The following METAP1D variants were observed in gnomAD, a reference collection of about 807,000 sequenced individuals.
METAP1D encodes methionyl aminopeptidase type 1D, mitochondrial, also known as methionine aminopeptidase 1D, mitochondrial.
A neutral mutation model predicts 40.5 loss-of-function variants in METAP1D; 31 were observed. The ratio of observed to expected loss-of-function variants is 0.77; its 90% CI spans 0.58 to 1.03. The LOEUF (loss-of-function observed/expected upper bound fraction) is 1.03, where lower values mean the gene tolerates loss of function less well. Among genes scored for constraint, METAP1D ranks in the 50% least tolerant of loss-of-function variants. The pLI, the probability that METAP1D is intolerant of heterozygous loss-of-function variation, is 0.00. For synonymous variants in METAP1D, 151 were observed against 146.4 expected (o/e 1.03, Z -0.22); for missense variants, 411 against 420.7 (o/e 0.98, Z 0.20).
At chr2:172,052,415 T>C (rs1689905321) in intron 1 of METAP1D, among the ~76,000 whole-genome samples, 1 of 152,190 alleles carries the variant, frequency 6.6e-6, no homozygotes, top group Non-Finnish European at 1.5e-5. Flanking sequence ...ACCAGCTTGT[T>C]TCCTGTAAGT....
At chr2:172,035,321 C>T (rs1308925515) in intron 1 of METAP1D, among the ~76,000 whole-genome samples, 2 of 152,178 alleles carry the variant, frequency 1.3e-5, no homozygotes, top group South Asian at 2.1e-4. Context: ...CCGGCCACCA[C>T]GCCCGGCTAA....
chr2:172,037,221 C>T (rs954556450), intron 1 of METAP1D, among the ~76,000 whole-genome samples: 3 of 151,482 alleles, frequency 2.0e-5, no homozygotes, highest in Non-Finnish European at 2.9e-5. Context: ...AAAATCGTGC[C>T]GTTGCACTCC....
intron 1 of METAP1D, among the ~76,000 whole-genome samples, chr2:172,010,333 G>A (rs181972610): frequency 6.6e-5 from 10 of 151,114 alleles, no homozygotes; most frequent in Non-Finnish European, 1.2e-4. Flanking sequence ...GTAGAGATGG[G>A]GTTTCACCAT....
At chr2:172,032,626 G>T (rs994523034) in intron 1 of METAP1D, among the ~76,000 whole-genome samples, 8 of 152,198 alleles carry the variant, frequency 5.3e-5, no homozygotes. Context: ...AACAAATTAA[G>T]AAGGTCTGAG....
At chr2:172,067,406 T>G (rs1008347095) in intron 5 of METAP1D, among the ~76,000 whole-genome samples, 5 of 152,238 alleles carry the variant, frequency 3.3e-5, no homozygotes, top group African/African-American at 4.8e-5. Context: ...TATGAGGAGA[T>G]AGCCAACGAT....
At position 172,063,861 on chromosome 2, in the gene METAP1D, G is replaced by A. The variant is rs771311560; in HGVS notation, c.348+1G>A. 6.2e-7 allele frequency: 1 copy of A among 1,607,472 alleles called. No individual in the cohort carries two copies. The highest frequency in any genetic ancestry group is 1.1e-5 in the South Asian group (1 of 90,002). ...CCTCTTGGCTGGGAAGAGTTTAAAG[G>A]TGGCGTCTCACCAAGCCTCAGAACG... On this transcript the variant is annotated splice_donor_variant, in intron 3 of 9. Coordinates refer to ENST00000315796, the MANE Select transcript of METAP1D (RefSeq NM_199227.3). LOFTEE classifies it high-confidence loss of function.
intron 1 of METAP1D, among the ~76,000 whole-genome samples, chr2:172,058,846 C>T (rs1377973760): frequency 6.6e-6 from 1 of 152,212 alleles, no homozygotes; most frequent in East Asian, 1.9e-4. Flanking sequence ...AATCACTGAT[C>T]ATTGCGGTTT....
intron 1 of METAP1D, among the ~76,000 whole-genome samples, chr2:172,052,921 GT>G (rs901453748): frequency 6.6e-6 from 1 of 151,790 alleles, no homozygotes; most frequent in Non-Finnish European, 1.5e-5. Flanking sequence ...AGTGCATGTG[GT>G]TTTTTTTCCC....
chr2:172,041,129 C>A (rs936385974), intron 1 of METAP1D, among the ~76,000 whole-genome samples: 23 of 151,946 alleles, frequency 1.5e-4, no homozygotes, highest in African/African-American at 4.8e-4. Flanking sequence ...TGAGGCCCCC[C>A]AAAAGCATAT....
rs187744538 is a variant in METAP1D at position 172,006,936 on chromosome 2, C to T, written c.40+6927C>T. On this transcript the variant is annotated intron_variant, in intron 1 of 9. Transcript: ENST00000315796. Reference sequence around the variant, plus strand: ...TTTTTTCTTCTTACGTTGTACATATCAGTTCTAGAATTTGCATTATAATTT... The same window carrying T: ...TTTTTTCTTCTTACGTTGTACATATTAGTTCTAGAATTTGCATTATAATTT... Among the ~76,000 whole-genome samples the T allele has an allele frequency of 1.2e-4, 19 of 152,218 alleles. No individual in the cohort carries two copies. The East Asian group carries it at 3.7e-3, about 29-fold the overall frequency.
chr2:172,034,647 G>T (rs953867539), intron 1 of METAP1D, among the ~76,000 whole-genome samples: 1 of 152,152 alleles, frequency 6.6e-6, no homozygotes, highest in Non-Finnish European at 1.5e-5. Flanking sequence ...TCAACAAGCA[G>T]TATGGCTGTC....
At chr2:172,057,631 T>C (rs1385384510) in intron 1 of METAP1D, among the ~76,000 whole-genome samples, 2 of 152,192 alleles carry the variant, frequency 1.3e-5, no homozygotes, top group African/African-American at 2.4e-5. Flanking sequence ...ATTTTCTGGG[T>C]ATTTCCCTGT....
Position 172,061,627 on chromosome 2 carries a change from C to A in METAP1D, c.170C>A (p.Ala57Glu). ...TCACACAGTATAGTTTTGCCGGCTG[C>A]AGTTTCTTCAGCTCATCCGGTTCCT... is the stretch of plus-strand genomic sequence containing the variant. Reference protein sequence around the residue: ...DISHSIVLPAAVSSAHPVPKH... With the variant: ...DISHSIVLPAEVSSAHPVPKH... The change falls in exon 2 of 10, where the codon GCA becomes GAA. Residue 57 changes from alanine (A) to glutamate (E), a missense_variant. Ala to Glu is a moderately radical substitution (Grantham distance 107, BLOSUM62 -1). Transcript: ENST00000315796. 6.2e-7 allele frequency: 1 copy of A among 1,612,428 alleles called. No individual in the cohort carries two copies. Among genetic ancestry groups the A allele is most frequent in the Non-Finnish European group, 8.5e-7 (1 of 1,179,364 alleles).
Position 172,053,807 on chromosome 2 carries a change from C to T in METAP1D, c.41-7691C>T, listed in dbSNP as rs115668678. On this transcript the variant is annotated intron_variant, in intron 1 of 9. Transcript: ENST00000315796. ...TTGTTTTCTACCCAGATATTTGATACCTCTGCAGTGTAACGTAACTGAGGA... is the reference window on the plus strand; with the variant it reads ...TTGTTTTCTACCCAGATATTTGATATCTCTGCAGTGTAACGTAACTGAGGA... Among the ~76,000 whole-genome samples the T allele has an allele frequency of 5.6e-3, 854 of 152,258 alleles. 5 individuals are homozygous for T. Among genetic ancestry groups the T allele is most frequent in the African/African-American group, 0.02 (819 of 41,546 alleles).
chr2:172,030,563 T>C (rs988658975), intron 1 of METAP1D, among the ~76,000 whole-genome samples: 2 of 152,228 alleles, frequency 1.3e-5, no homozygotes, highest in African/African-American at 4.8e-5. Flanking sequence ...CTTCAGCCTT[T>C]ACCACTGGAA....
chr2:172,004,602 A>G (rs1688537320), intron 1 of METAP1D, among the ~76,000 whole-genome samples: 2 of 152,074 alleles, frequency 1.3e-5, no homozygotes, highest in Non-Finnish European at 2.9e-5. Flanking sequence ...TGGGATTATA[A>G]GCATGAGCCA....
At chr2:172,004,391 T>G (rs1394008842) in intron 1 of METAP1D, among the ~76,000 whole-genome samples, 5 of 152,016 alleles carry the variant, frequency 3.3e-5, no homozygotes, top group African/African-American at 1.2e-4. Flanking sequence ...TGGTGTGATC[T>G]TGGCCCACTG....
At chr2:172,063,955 C>T in intron 3 of METAP1D, 95 bp downstream of exon 3, 3 of 1,323,838 alleles carry the variant, frequency 2.3e-6, no homozygotes, top group East Asian at 2.9e-5. Flanking sequence ...AGGTTGACAT[C>T]TAATTTGTTT....
At chr2:172,047,685 T>A (rs1689792924) in intron 1 of METAP1D, among the ~76,000 whole-genome samples, 1 of 152,192 alleles carries the variant, frequency 6.6e-6, no homozygotes, top group Non-Finnish European at 1.5e-5. Flanking sequence ...TCCGCACACC[T>A]CGGCCTCCCA....
Sources: allele counts gnomAD v4.1 joint callset (sites outside exome capture counted in the v4.1 genomes callset), GRCh38; gene constraint gnomAD v4.1.1; transcripts MANE v1.5; gene names NCBI Gene and HGNC (gene_info 2026-07-23, HGNC 2026-07-21).